The following ESRP1 variants were observed in gnomAD, a reference collection of about 807,000 sequenced individuals.
ESRP1 encodes epithelial splicing regulatory protein 1.
ESRP1 carries 33 observed loss-of-function variants against 81.7 expected under a neutral mutation model. The observed-to-expected ratio is 0.40, with a 90% confidence interval of 0.31 to 0.54. The LOEUF (loss-of-function observed/expected upper bound fraction) is 0.54, where lower values mean the gene tolerates loss of function less well. Among genes scored for constraint, ESRP1 ranks in the 20% least tolerant of loss-of-function variants. The pLI is 0.41. For synonymous variants in ESRP1, 320 were observed against 303.3 expected (o/e 1.06, Z -0.57); for missense variants, 672 against 833.1 (o/e 0.81, Z 2.38).
chr8:94,675,587 A>T (rs956603180), intron 12 of ESRP1, among the ~76,000 whole-genome samples: 2 of 152,212 alleles, frequency 1.3e-5, no homozygotes, highest in Non-Finnish European at 2.9e-5. Context: ...TAATTGGGTT[A>T]AGAGATCTTA....
intron 4 of ESRP1, among the ~76,000 whole-genome samples, chr8:94,652,306 T>C (rs1818183110): frequency 6.6e-6 from 1 of 152,120 alleles, no homozygotes; most frequent in Non-Finnish European, 1.5e-5. Context: ...ATTTCTGATG[T>C]TGGTGTTAGG....
intron 3 of ESRP1, among the ~76,000 whole-genome samples, chr8:94,644,900 ATTC>A (rs1586169729): frequency 6.6e-6 from 1 of 152,220 alleles, no homozygotes; most frequent in South Asian, 2.1e-4. Flanking sequence ...ATTTGGATAT[ATTC>A]TTCTAGATTT....
intron 4 of ESRP1, among the ~76,000 whole-genome samples, chr8:94,655,394 T>C (rs1238422174): frequency 6.6e-6 from 1 of 151,198 alleles, no homozygotes; most frequent in East Asian, 1.9e-4. Flanking sequence ...GCATCTTTTT[T>C]TTTTTTTTAA....
At position 94,674,454 on chromosome 8, in the gene ESRP1, G is replaced by T. The variant is rs745818736; in HGVS notation, c.1599G>T (p.Met533Ile). ...CTGAGGAGATGAACTTTGTGTTAAT[G>T]GGGGGCACTTTAAATCGAAATGGCT... ...CSAEEMNFVL[M>I]GGTLNRNGLS... The change falls in exon 12 of 16, where the codon ATG (methionine) becomes ATT (isoleucine). Residue 533 changes from methionine to isoleucine, a missense_variant. Met to Ile is a conservative substitution (Grantham distance 10). Coordinates refer to ENST00000433389, the MANE Select transcript of ESRP1 (RefSeq NM_017697.4). 1.2e-6 allele frequency: 2 copies of T among 1,613,694 alleles called. No individual in the cohort carries two copies. Among genetic ancestry groups the T allele is most frequent in the Non-Finnish European group, 1.7e-6 (2 of 1,179,850 alleles).
chr8:94,675,054 G>T (rs966071110), intron 12 of ESRP1, among the ~76,000 whole-genome samples: 1 of 152,154 alleles, frequency 6.6e-6, no homozygotes, highest in Non-Finnish European at 1.5e-5. Flanking sequence ...AGATTAATTA[G>T]CCAAAGTTTC....
chr8:94,668,726 CA>C (rs1019120272), intron 10 of ESRP1, among the ~76,000 whole-genome samples: 3 of 151,538 alleles, frequency 2.0e-5, no homozygotes, highest in Admixed American at 6.6e-5. Context: ...TGTTATTTCC[CA>C]AAAGGCTTCA....
chr8:94,702,781 C>G (rs1219009027), intron 15 of ESRP1, among the ~76,000 whole-genome samples: 4 of 152,112 alleles, frequency 2.6e-5, no homozygotes. Context: ...CCACGCCCAG[C>G]CTTCAAGTGA....
At chr8:94,691,364 G>A (rs1321470754) in intron 13 of ESRP1, among the ~76,000 whole-genome samples, 6 of 152,130 alleles carry the variant, frequency 3.9e-5, no homozygotes, top group Non-Finnish European at 7.4e-5. Flanking sequence ...AAGGTTGAGG[G>A]CAGCTTAATG....
At chr8:94,641,735 G>A in intron 1 of ESRP1, 2 of 725,270 alleles carry the variant, frequency 2.8e-6, no homozygotes, top group Non-Finnish European at 4.1e-6. Flanking sequence ...GTGGGGTCTC[G>A]GAGGCCCCGG....
chr8:94,666,994 A>G (rs555047191), intron 9 of ESRP1, among the ~76,000 whole-genome samples: 2 of 152,176 alleles, frequency 1.3e-5, no homozygotes, highest in East Asian at 1.9e-4. Flanking sequence ...CTTGTGGTCA[A>G]GAGTTCGAGG....
chr8:94,664,555 A>G, intron 6 of ESRP1, 142 bp from the exon 7 acceptor site: 1 of 640,216 alleles, frequency 1.6e-6, no homozygotes. Context: ...TTGAGGTTAT[A>G]AGGAAAATCA....
intron 4 of ESRP1, among the ~76,000 whole-genome samples, chr8:94,649,090 G>C (rs561769864): frequency 2.6e-5 from 4 of 152,064 alleles, no homozygotes; most frequent in African/African-American, 4.8e-5. Flanking sequence ...GCATGATGAC[G>C]CACATCTGTA....
chr8:94,693,559 C>T (rs1809486642), intron 14 of ESRP1, among the ~76,000 whole-genome samples: 2 of 152,198 alleles, frequency 1.3e-5, no homozygotes, highest in Admixed American at 6.5e-5. Context: ...TCCTTCTTTC[C>T]TGCCATTTCT....
In ESRP1 at chr8:94,641,264, T is replaced by G; in HGVS notation, c.-55T>G. 1.3e-6 allele frequency: 2 copies of G among 1,569,890 alleles called. No homozygotes were observed. On this transcript the variant is annotated 5_prime_UTR_variant, in exon 1 of 16. Coordinates refer to ENST00000433389, the MANE Select transcript of ESRP1 (RefSeq NM_017697.4). The stretch of plus-strand genomic sequence containing the variant: ...TAGCACAGGTTTTTTCGTTCTCACT[T>G]CCACACCACCTTACCGCCTCCCGAC...
intron 13 of ESRP1, among the ~76,000 whole-genome samples, chr8:94,691,649 ATC>A (rs1563546649): frequency 6.6e-6 from 1 of 152,286 alleles, no homozygotes; most frequent in East Asian, 1.9e-4. Flanking sequence ...CTATTAAGCT[ATC>A]TGTTAGGATT....
At chr8:94,703,216 G>T (rs1046173279) in intron 15 of ESRP1, among the ~76,000 whole-genome samples, 3 of 151,194 alleles carry the variant, frequency 2.0e-5, no homozygotes. Flanking sequence ...GTACAGTGGC[G>T]CAATCTCGGC....
At position 94,643,354 on chromosome 8, in the gene ESRP1, T is replaced by C; in HGVS notation, c.313T>C (p.Cys105Arg). Residue 105 changes from cysteine (C) to arginine (R), a missense_variant, in exon 3 of 16, where the codon TGT becomes CGT. Coordinates refer to ENST00000433389, the MANE Select transcript of ESRP1 (RefSeq NM_017697.4). ...ELNIGVGTSF[C>R]LCTDGQLHVR... Reference sequence around the variant, plus strand: ...GAATATTGGAGTAGGGACTTCCTTCTGTCTCTGTACTGATGGGCAGCTTCA... The same window carrying C: ...GAATATTGGAGTAGGGACTTCCTTCCGTCTCTGTACTGATGGGCAGCTTCA... 6.2e-7 allele frequency: 1 copy of C among 1,613,930 alleles called. No individual in the cohort carries two copies. Among genetic ancestry groups the C allele is most frequent in the Non-Finnish European group, 8.5e-7 (1 of 1,179,802 alleles).
At chr8:94,687,179 A>G (rs1809177466) in intron 13 of ESRP1, among the ~76,000 whole-genome samples, 1 of 151,778 alleles carries the variant, frequency 6.6e-6, no homozygotes. Flanking sequence ...CCCTCTCCCC[A>G]CCCCTAAACA....
At chr8:94,644,523 T>A (rs1044024610) in intron 3 of ESRP1, among the ~76,000 whole-genome samples, 12 of 152,184 alleles carry the variant, frequency 7.9e-5, no homozygotes, top group Admixed American at 2.0e-4. Flanking sequence ...AGAATTTTTT[T>A]AAAAAATTAA....
Sources: gnomAD v4.1 joint callset for allele counts (sites outside exome capture counted in the v4.1 genomes callset) on GRCh38, gnomAD v4.1.1 for gene constraint, MANE v1.5 for transcripts, NCBI Gene and HGNC (gene_info 2026-07-23, HGNC 2026-07-21) for gene names.